The following ARHGAP9 variants were observed in gnomAD, a reference collection of about 807,000 sequenced individuals.
ARHGAP9 encodes Rho GTPase activating protein 9, also known as rho GTPase-activating protein 9.
A neutral mutation model predicts 87.3 loss-of-function variants in ARHGAP9; 76 were observed. That is an observed-to-expected ratio of 0.87 (90% CI 0.72 to 1.05). The LOEUF (loss-of-function observed/expected upper bound fraction) is 1.05. ARHGAP9 is among the 50% of genes least tolerant of loss of function. The pLI is 0.00. For synonymous variants in ARHGAP9, 382 were observed against 394.9 expected (o/e 0.97, Z 0.39); for missense variants, 941 against 960.5 (o/e 0.98, Z 0.27).
At position 57,474,955 on chromosome 12, in the gene ARHGAP9, T is replaced by G; in HGVS notation, c.1571A>C (p.Gln524Pro). ...TTCCCGCTGGCAGAGTGATTCCAAC[T>G]GGCAGCCGAACACCTGGTCTGGGGA... is the stretch of plus-strand genomic sequence containing the variant. ...GLLRDQVFGC[Q>P]LESLCQREGD... is the part of the protein sequence containing the mutation. Residue 524 changes from glutamine (Q) to proline (P), a missense_variant, in exon 13 of 18, where the codon CAG becomes CCG. Transcript: ENST00000393791. 1 of 1,614,034 alleles carries G rather than the reference T, an allele frequency of 6.2e-7. No homozygotes were observed. Among genetic ancestry groups the G allele is most frequent in the African/African-American group, 1.3e-5 (1 of 75,048 alleles).
chr12:57,473,616 C>G lies in ARHGAP9; in HGVS notation c.2011G>C (p.Glu671Gln), dbSNP rs775332460. 1 of 1,613,420 alleles carries G rather than the reference C, an allele frequency of 6.2e-7. No individual in the cohort carries two copies. The highest frequency in any genetic ancestry group is 1.1e-5 in the South Asian group (1 of 91,062). Residue 671 changes from glutamate (E) to glutamine (Q), a missense_variant, in exon 17 of 18, where the codon GAG (glutamate) becomes CAG (glutamine). Glu to Gln is a conservative substitution (Grantham distance 29). Transcript: ENST00000393791. ...PNHDTLRYLL[E>Q]HLCRVIAHSD... is the part of the protein sequence containing the mutation. Reference sequence around the variant, plus strand: ...TGTCTTCCTGACCTGCATAAATGCTCCAGGAGGTACCGTAGAGTGTCATGG... The same window carrying G: ...TGTCTTCCTGACCTGCATAAATGCTGCAGGAGGTACCGTAGAGTGTCATGG...
rs780515955 is a variant in ARHGAP9 at position 57,475,534 on chromosome 12, ACTC to A, written c.1390_1392del (p.Glu464del). On this transcript the variant is annotated inframe_deletion, in exon 11 of 18. Coordinates refer to ENST00000393791, the MANE Select transcript of ARHGAP9 (RefSeq NM_032496.4). ...AGCAGCGGCTTGGACACCAGCTCCG[ACTC>A]CTCTTCTTCGTCCTCCCCGGCGCTC... 8.7e-6 allele frequency: 14 copies of A among 1,601,442 alleles called. No homozygotes were observed. The highest frequency in any genetic ancestry group is 1.4e-5 in the African/African-American group (1 of 73,250).
At chr12:57,485,249 T>C (rs554652426) in intron 1 of ARHGAP9, among the ~76,000 whole-genome samples, 1 of 151,710 alleles carries the variant, frequency 6.6e-6, no homozygotes, top group East Asian at 2.0e-4. Flanking sequence ...GCCCAGCCTC[T>C]TGGCTAGTTT....
intron 3 of ARHGAP9, 196 bp from the exon 4 acceptor site, chr12:57,477,876 T>C: frequency 1.4e-6 from 2 of 1,392,386 alleles, no homozygotes; most frequent in Non-Finnish European, 1.9e-6. Flanking sequence ...ACAGTTTTCT[T>C]TGCTCTTCTC....
chr12:57,475,416 A>G lies in ARHGAP9; in HGVS notation c.1445-18T>C, dbSNP rs1287449676. 3 of 1,584,378 alleles carry G rather than the reference A, an allele frequency of 1.9e-6. No individual in the cohort carries two copies. The highest frequency in any genetic ancestry group is 8.6e-7 in the Non-Finnish European group (1 of 1,165,550). ...CCCCCGAACTGCAGGAGGCAGGTAG[A>G]GCGGGGCGTGAGCGCCCGGGAGCCT... On this transcript the variant is annotated intron_variant, in intron 11 of 17. Transcript: ENST00000393791.
chr12:57,478,264 C>T, intron 3 of ARHGAP9: 1 of 440,250 alleles, frequency 2.3e-6, no homozygotes, highest in African/African-American at 2.0e-5. Context: ...TTGGTACCTA[C>T]TGTCCCTTCT....
At chr12:57,473,461 T>C (rs947180400) in intron 17 of ARHGAP9, 142 bp downstream of exon 17, 3 of 666,250 alleles carry the variant, frequency 4.5e-6, no homozygotes, top group Non-Finnish European at 5.4e-6. Flanking sequence ...GGTAATATGC[T>C]CCTGCACAGA....
In ARHGAP9 at chr12:57,488,089, A is replaced by C. The variant is rs771406360; in HGVS notation, c.-204+523T>G. 12 of 1,613,892 alleles carry C rather than the reference A, an allele frequency of 7.4e-6. No individual in the cohort carries two copies. The South Asian group carries it at 1.3e-4, about 18-fold the overall frequency. ...TTGCATCAGCGAGGGATTCACGGCG[A>C]AATGAGACTGTTCGTGAGTGATGGC... On this transcript the variant is annotated intron_variant, in intron 1 of 20. Coordinates refer to the ARHGAP9 transcript ENST00000393797.
Position 57,474,669 on chromosome 12 carries a change from C to T in ARHGAP9, c.1686G>A (p.Gly562=). 2.5e-6 allele frequency: 4 copies of T among 1,614,146 alleles called. No homozygotes were observed. Among genetic ancestry groups the T allele is most frequent in the Non-Finnish European group, 3.4e-6 (4 of 1,180,034 alleles). The change falls in exon 14 of 18, where the codon GGG becomes GGA. Residue 562 remains glycine (G), a synonymous_variant. Coordinates refer to ENST00000393791, the MANE Select transcript of ARHGAP9 (RefSeq NM_032496.4). ...GAAGCTTCTGGACCACTGCCAAGTTCCCGCTCACCCGATAAATGCCATCCA... is the reference window on the plus strand; with the variant it reads ...GAAGCTTCTGGACCACTGCCAAGTTTCCGCTCACCCGATAAATGCCATCCA... ...LDVDGIYRVS[G]NLAVVQKLRF... is the part of the protein sequence containing the mutation.
chr12:57,484,081 G>A (rs1268684275), upstream of ARHGAP9: 8 of 263,636 alleles, frequency 3.0e-5, no homozygotes, highest in Admixed American at 9.7e-5. Context: ...GGCCGGGTGC[G>A]GTGGCTCACA....
rs531355259 is a variant in ARHGAP9, at chr12:57,478,430, CTTA to C, written c.534+107_534+109del. The stretch of plus-strand genomic sequence containing the variant: ...ACTTATCAGTAGTACCAAGCGTTAT[CTTA>C]TTTATTTGTTTTTGTGTTTGTCATC... On this transcript the variant is annotated intron_variant, in intron 3 of 17. Coordinates refer to ENST00000393791, the MANE Select transcript of ARHGAP9 (RefSeq NM_032496.4). 195 of 1,118,556 alleles carry C rather than the reference CTTA, an allele frequency of 1.7e-4. 2 individuals carry two copies. The African/African-American group carries it at 2.7e-3, about 15-fold the overall frequency. 69.3% of individuals were successfully genotyped at this position (1,118,556 alleles called of 1,614,324 possible). A position where few individuals can be genotyped will look rare whatever the true frequency, so the allele number is the denominator to read the frequency against.
At chr12:57,483,544 T>C (rs1010741431), upstream of ARHGAP9, among the ~76,000 whole-genome samples, 115 of 152,336 alleles carry the variant, frequency 7.5e-4, no homozygotes, top group Non-Finnish European at 1.8e-4. Context: ...ATTCCCTCTC[T>C]ACACTTTTCA....
intron 17 of ARHGAP9, 113 bp downstream of exon 17, chr12:57,473,490 C>A: frequency 1.1e-6 from 1 of 883,164 alleles, no homozygotes; most frequent in South Asian, 1.4e-5. Context: ...GCTTCCTCAC[C>A]TGCCCATTAA....
At position 57,476,855 on chromosome 12, in the gene ARHGAP9, G is replaced by C. The variant is rs753343216; in HGVS notation, c.963+16C>G. 4 of 1,611,326 alleles carry C rather than the reference G, an allele frequency of 2.5e-6. No homozygotes were observed. The Admixed American group carries it at 6.7e-5, about 27-fold the overall frequency. On this transcript the variant is annotated intron_variant, in intron 6 of 17. Coordinates refer to ENST00000393791, the MANE Select transcript of ARHGAP9 (RefSeq NM_032496.4). ...CAGGGAGGATCTTGGCCTTCACAAA[G>C]AAATGGGAGATTCACATGGGGGTCG...
At position 57,475,499 on chromosome 12, in the gene ARHGAP9, G is replaced by T; in HGVS notation, c.1428C>A (p.Ser476Arg). 1 of 1,604,538 alleles carries T rather than the reference G, an allele frequency of 6.2e-7. No individual in the cohort carries two copies. Among genetic ancestry groups the T allele is most frequent in the Non-Finnish European group, 8.5e-7 (1 of 1,176,458 alleles). Residue 476 changes from serine to arginine, a missense_variant, in exon 11 of 18, where the codon AGC becomes AGA. Coordinates refer to ENST00000393791, the MANE Select transcript of ARHGAP9 (RefSeq NM_032496.4). ...ELVSKPLLRLSSRRSSIRGPE... is the reference protein window; with the variant it reads ...ELVSKPLLRLRSRRSSIRGPE... ...GCGCCTCACTGGAGCTCCGGCGGCT[G>T]CTGAGGCGCAGCAGCGGCTTGGACA...
Position 57,474,772 on chromosome 12 carries a change from G to A in ARHGAP9, c.1652-69C>T. 2.5e-6 allele frequency: 4 copies of A among 1,606,818 alleles called. No individual in the cohort carries two copies. The South Asian group carries it at 4.4e-5, about 18-fold the overall frequency. On this transcript the variant is annotated intron_variant, in intron 13 of 17. Coordinates refer to ENST00000393791, the MANE Select transcript of ARHGAP9 (RefSeq NM_032496.4). ...TGTGTGTGGTGAGGGATATAAGGGT[G>A]GAGAGAAAAAGGGCAGTAGGAAGAC...
chr12:57,475,781 T>C (rs772277218), intron 10 of ARHGAP9, 52 bp downstream of exon 10: 4 of 1,596,830 alleles, frequency 2.5e-6, no homozygotes, highest in Admixed American at 3.5e-5. Context: ...CCTACCCCAC[T>C]CCCTTGGTCC....
intron 2 of ARHGAP9, 45 bp from the exon 3 acceptor site, chr12:57,478,802 G>A (rs1197843595): frequency 6.5e-7 from 1 of 1,541,960 alleles, no homozygotes; most frequent in African/African-American, 1.4e-5. Context: ...GATCAGAGGT[G>A]TTGTTGTAAC....
At chr12:57,485,622 C>G (rs1875344144) in intron 1 of ARHGAP9, among the ~76,000 whole-genome samples, 1 of 151,132 alleles carries the variant, frequency 6.6e-6, no homozygotes, top group Non-Finnish European at 1.5e-5. Context: ...TTCCTGGGCT[C>G]AAGTGATCCA....
Sources: gnomAD v4.1 joint callset for allele counts (sites outside exome capture counted in the v4.1 genomes callset) on GRCh38, gnomAD v4.1.1 for gene constraint, MANE v1.5 for transcripts, NCBI Gene and HGNC (gene_info 2026-07-23, HGNC 2026-07-21) for gene names.